FGFR1OP2: variants seen among roughly 807,000 people sequenced by gnomAD.
The protein encoded by FGFR1OP2 is fibroblast growth factor receptor 1 oncogene partner 2.
Under a neutral mutation model 35.2 loss-of-function variants are expected in FGFR1OP2, and 17 were observed. The observed-to-expected ratio is 0.48, with a 90% CI of 0.33 to 0.73. The LOEUF is 0.73. FGFR1OP2 is among the 30% of genes least tolerant of loss of function. The probability of loss-of-function intolerance (pLI) is 0.02; values close to 1 mark genes in which losing one functional copy is unlikely to be tolerated. For synonymous variants in FGFR1OP2, 105 were observed against 104.6 expected, an observed-to-expected ratio of 1.00 and a Z score of -0.03; for missense variants, 251 against 307.3, an observed-to-expected ratio of 0.82 and a Z score of 1.37.
At chr12:26,949,032 A>T (rs1938873147) in intron 1 of FGFR1OP2, among the ~76,000 whole-genome samples, 3 of 152,220 alleles carry the variant, frequency 2.0e-5, no homozygotes, top group African/African-American at 4.8e-5. Context: ...AAAAATAATA[A>T]TAAATATTTC....
At chr12:26,950,852 CTT>C (rs1349535568) in intron 1 of FGFR1OP2, among the ~76,000 whole-genome samples, 1 of 152,174 alleles carries the variant, frequency 6.6e-6, no homozygotes, top group Non-Finnish European at 1.5e-5. Flanking sequence ...TTGAATACTT[CTT>C]GAGTTATGGA....
chr12:26,954,386 A>AT, intron 2 of FGFR1OP2, 93 bp downstream of exon 2: 1 of 1,415,314 alleles, frequency 7.1e-7, no homozygotes, highest in Non-Finnish European at 9.4e-7. Flanking sequence ...TTTTTTCAAC[A>AT]TTCTCTAAAA....
At chr12:26,945,751 C>T (rs1938809597) in intron 1 of FGFR1OP2, among the ~76,000 whole-genome samples, 1 of 151,704 alleles carries the variant, frequency 6.6e-6, no homozygotes, top group Non-Finnish European at 1.5e-5. Context: ...ATCCCAGCCA[C>T]TCGGGAGGCT....
At chr12:26,942,281 T>A (rs568024462) in intron 1 of FGFR1OP2, among the ~76,000 whole-genome samples, 94 of 152,246 alleles carry the variant, frequency 6.2e-4, no homozygotes, top group Non-Finnish European at 1.1e-3. Context: ...TCCACCCGCC[T>A]TGGCCTCCCA....
At chr12:26,957,476 T>C (rs1040403602) in intron 3 of FGFR1OP2, 125 bp from the exon 4 acceptor site, 1 of 769,450 alleles carries the variant, frequency 1.3e-6, no homozygotes, top group East Asian at 2.5e-5. Flanking sequence ...TATTGTTATA[T>C]GGCTAGATTT....
At position 26,963,493 on chromosome 12, in the gene FGFR1OP2, A is replaced by G. The variant is rs780614866; in HGVS notation, c.624+38A>G. ...TTGCAAATGTAGATGAAAACTGTCCATATAAAGATTTATGCCAGAAAATAT... is the reference window on the plus strand; with the variant it reads ...TTGCAAATGTAGATGAAAACTGTCCGTATAAAGATTTATGCCAGAAAATAT... On this transcript the variant is annotated intron_variant, in intron 6 of 6. Coordinates refer to ENST00000229395, the MANE Select transcript of FGFR1OP2 (RefSeq NM_015633.3). The G allele has an allele frequency of 1.1e-5, 15 of 1,353,850 alleles. No homozygotes were observed. In the Admixed American group the frequency reaches 1.6e-4, roughly 14 times the overall value. The allele number at this position is 1,353,850 out of a possible 1,614,324, so 83.9% of individuals were successfully genotyped here.
At chr12:26,945,139 T>C (rs1938799507) in intron 1 of FGFR1OP2, among the ~76,000 whole-genome samples, 1 of 152,124 alleles carries the variant, frequency 6.6e-6, no homozygotes, top group South Asian at 2.1e-4. Context: ...AGGAGGTTTT[T>C]CAATTTTTAT....
chr12:26,939,248 G>C (rs1938661938), intron 1 of FGFR1OP2, among the ~76,000 whole-genome samples: 1 of 148,842 alleles, frequency 6.7e-6, no homozygotes, highest in Non-Finnish European at 1.5e-5. Flanking sequence ...TTTTTTTTTC[G>C]CCAGAATTAG....
chr12:26,953,003 G>A (rs1024274051), intron 1 of FGFR1OP2, among the ~76,000 whole-genome samples: 4 of 152,010 alleles, frequency 2.6e-5, no homozygotes, highest in South Asian at 4.2e-4. Flanking sequence ...TGGCTCACAC[G>A]TGTAATCCCA....
intron 1 of FGFR1OP2, among the ~76,000 whole-genome samples, chr12:26,948,336 A>G (rs925603177): frequency 6.6e-6 from 1 of 152,228 alleles, no homozygotes; most frequent in Non-Finnish European, 1.5e-5. Flanking sequence ...TAATAAGTCT[A>G]CTGGAAATAA....
chr12:26,959,222 C>A (rs2136359156), intron 4 of FGFR1OP2, among the ~76,000 whole-genome samples: 1 of 152,064 alleles, frequency 6.6e-6, no homozygotes, highest in South Asian at 2.1e-4. Flanking sequence ...TTATGCTATT[C>A]ATCTCCTAAT....
Position 26,966,459 on chromosome 12 carries a change from T to G in FGFR1OP2, c.*1726T>G, listed in dbSNP as rs1042953265. ...TAAACAAGTTGGGTTAACTTATTCT[T>G]CGTCTTTTTGCTTGGATATGAATTT... On this transcript the variant is annotated 3_prime_UTR_variant, in exon 7 of 7. Transcript: ENST00000229395. The G allele has an allele frequency of 2.6e-5, 4 of 152,060 alleles. No homozygotes were observed. Among genetic ancestry groups the G allele is most frequent in the Admixed American group, 6.6e-5 (1 of 15,256 alleles). 9.4% of individuals were successfully genotyped at this position (152,060 alleles called of 1,614,324 possible). A position where few individuals can be genotyped will look rare whatever the true frequency, so the allele number is the denominator to read the frequency against.
At chr12:26,948,405 T>G (rs933839835) in intron 1 of FGFR1OP2, among the ~76,000 whole-genome samples, 4 of 152,194 alleles carry the variant, frequency 2.6e-5, no homozygotes, top group Non-Finnish European at 4.4e-5. Context: ...ATGAAACATA[T>G]TTTTGCTGGA....
At chr12:26,947,568 G>C (rs1938849766) in intron 1 of FGFR1OP2, among the ~76,000 whole-genome samples, 1 of 152,078 alleles carries the variant, frequency 6.6e-6, no homozygotes, top group South Asian at 2.1e-4. Flanking sequence ...TTTTTGTAGA[G>C]ACAGGGTTTT....
At chr12:26,948,017 A>T (rs1044672041) in intron 1 of FGFR1OP2, among the ~76,000 whole-genome samples, 3 of 152,168 alleles carry the variant, frequency 2.0e-5, no homozygotes, top group Non-Finnish European at 2.9e-5. Context: ...AGGAATTACA[A>T]TATATGTAAA....
intron 3 of FGFR1OP2, among the ~76,000 whole-genome samples, chr12:26,957,209 A>G (rs1222044595): frequency 6.6e-6 from 1 of 151,976 alleles, no homozygotes; most frequent in Non-Finnish European, 1.5e-5. Flanking sequence ...AACTGAGGGA[A>G]CTCACACTGT....
intron 5 of FGFR1OP2, chr12:26,962,360 A>C (rs1048456640): frequency 3.9e-5 from 6 of 152,116 alleles, no homozygotes; most frequent in African/African-American, 1.2e-4. Context: ...GTACTGTTAA[A>C]TCCTTTTTAC....
chr12:26,950,239 T>TG, intron 1 of FGFR1OP2, among the ~76,000 whole-genome samples: 1 of 143,652 alleles, frequency 7.0e-6, no homozygotes, highest in South Asian at 2.3e-4. Context: ...TTTTTTTTTT[T>TG]GAGACAGAGT....
In FGFR1OP2 at chr12:26,954,200, T is replaced by C; in HGVS notation, c.42T>C (p.Ala14=). 6.2e-7 allele frequency: 1 copy of C among 1,610,218 alleles called. No homozygotes were observed. Among genetic ancestry groups the C allele is most frequent in the Non-Finnish European group, 8.5e-7 (1 of 1,177,894 alleles). The part of the protein sequence containing the change: ...TIEKALADAK[A]LVERLRDHDD... ...AGAAGGCACTTGCCGACGCTAAAGC[T>C]CTTGTTGAAAGATTAAGAGATCATG... The change falls in exon 2 of 7, where the codon GCT becomes GCC. Residue 14 remains alanine (A), a synonymous_variant. Coordinates refer to ENST00000229395, the MANE Select transcript of FGFR1OP2 (RefSeq NM_015633.3).
Sources: allele counts gnomAD v4.1 joint callset (sites outside exome capture counted in the v4.1 genomes callset), GRCh38; gene constraint gnomAD v4.1.1; transcripts MANE v1.5; gene names NCBI Gene and HGNC (gene_info 2026-07-23, HGNC 2026-07-21).